KCNQ5: variants seen among roughly 807,000 people sequenced by gnomAD.
KCNQ5 encodes potassium voltage-gated channel subfamily KQT member 5.
KCNQ5 carries 30 observed loss-of-function variants against 98.2 expected under a neutral mutation model. That is an observed-to-expected ratio of 0.31 (90% CI 0.23 to 0.41). The LOEUF (loss-of-function observed/expected upper bound fraction) is 0.41, where lower values mean the gene tolerates loss of function less well. Ranked by LOEUF, KCNQ5 falls within the 10% of genes least tolerant of loss-of-function variation. The pLI, the probability that KCNQ5 is intolerant of heterozygous loss-of-function variation, is 1.00. For missense variants in KCNQ5, 835 were observed against 1,182.5 expected (o/e 0.71, Z 4.31); for synonymous variants, 458 against 449.4 (o/e 1.02, Z -0.24).
intron 1 of KCNQ5, among the ~76,000 whole-genome samples, chr6:72,649,225 A>G (rs748945689): frequency 1.7e-4 from 26 of 152,262 alleles, no homozygotes; most frequent in Non-Finnish European, 2.9e-4. Flanking sequence ...CTAAGGTTCT[A>G]AACAGTTTTG....
chr6:73,173,523 T>C (rs1778092298), intron 11 of KCNQ5, among the ~76,000 whole-genome samples: 1 of 152,228 alleles, frequency 6.6e-6, no homozygotes, highest in Non-Finnish European at 1.5e-5. Context: ...ATGTCAAGTA[T>C]CTGGCTAATT....
intron 1 of KCNQ5, among the ~76,000 whole-genome samples, chr6:72,734,444 C>A (rs988303257): frequency 5.3e-5 from 8 of 152,082 alleles, no homozygotes; most frequent in Non-Finnish European, 1.2e-4. Flanking sequence ...GCCTCAGCCT[C>A]CCGAGTAGCT....
chr6:73,077,359 T>C lies in KCNQ5; in HGVS notation c.654T>C (p.Ser218=). The change falls in exon 4 of 14, where the codon TCT becomes TCC. Residue 218 remains serine (S), a synonymous_variant. Coordinates refer to ENST00000370398, the MANE Select transcript of KCNQ5 (RefSeq NM_019842.4). ...IVLIASIAVV[S]AKTQGNIFAT... is the part of the protein sequence containing the mutation. Reference sequence around the variant, plus strand: ...TTATCGCTTCAATAGCAGTTGTTTCTGCAAAAACTCAGGGTAATATTTTTG... The same window carrying C: ...TTATCGCTTCAATAGCAGTTGTTTCCGCAAAAACTCAGGGTAATATTTTTG... The C allele has an allele frequency of 6.2e-7, 1 of 1,614,182 alleles. No homozygotes were observed. The highest frequency in any genetic ancestry group is 8.5e-7 in the Non-Finnish European group (1 of 1,180,012).
At chr6:72,806,942 A>C (rs1350983975) in intron 1 of KCNQ5, 2 of 344,248 alleles carry the variant, frequency 5.8e-6, no homozygotes, top group East Asian at 1.0e-4. Context: ...ATAAACATTC[A>C]GTTTTATAAG....
chr6:72,826,317 G>T (rs1775991314), intron 1 of KCNQ5, among the ~76,000 whole-genome samples: 1 of 152,092 alleles, frequency 6.6e-6, no homozygotes, highest in Admixed American at 6.6e-5. Context: ...TAATTATAAT[G>T]AGTTAAATTT....
intron 1 of KCNQ5, among the ~76,000 whole-genome samples, chr6:72,794,556 A>G (rs1248964303): frequency 6.6e-6 from 1 of 152,186 alleles, no homozygotes; most frequent in Non-Finnish European, 1.5e-5. Flanking sequence ...ATATCATGGC[A>G]TTTTTAAGCC....
At chr6:72,742,280 T>A (rs1204510225) in intron 1 of KCNQ5, among the ~76,000 whole-genome samples, 1 of 152,244 alleles carries the variant, frequency 6.6e-6, no homozygotes, top group African/African-American at 2.4e-5. Context: ...GATCGCCACA[T>A]AATTTGTATT....
intron 1 of KCNQ5, among the ~76,000 whole-genome samples, chr6:72,874,394 GATAA>G (rs1778325112): frequency 1.3e-5 from 2 of 152,026 alleles, no homozygotes; most frequent in African/African-American, 4.8e-5. Context: ...TAGAAATGGG[GATAA>G]ATAGAGTTTG....
chr6:73,109,482 T>A (rs1268769079), intron 6 of KCNQ5, among the ~76,000 whole-genome samples: 2 of 152,344 alleles, frequency 1.3e-5, no homozygotes, highest in East Asian at 3.9e-4. Context: ...TGGTATTTCA[T>A]ATTCTCTTAC....
intron 1 of KCNQ5, among the ~76,000 whole-genome samples, chr6:72,651,126 T>C (rs1765855953): frequency 6.6e-6 from 1 of 152,148 alleles, no homozygotes; most frequent in African/African-American, 2.4e-5. Flanking sequence ...TATTTGTTCA[T>C]ATATTTAACA....
chr6:73,195,318 C>G lies in KCNQ5; in HGVS notation c.2703C>G (p.Asp901Glu), dbSNP rs1339066484. Residue 901 changes from aspartate (D) to glutamate (E), a missense_variant, in exon 14 of 14, where the codon GAC becomes GAG. Asp to Glu is a conservative substitution (Grantham distance 45, BLOSUM62 2). Transcript: ENST00000370398. ...CCAGGGAAGCTGCCTTTGCATCAGA[C>G]TCTCTAAGGACTGGAAGGTCACGAT... The part of the protein sequence containing the change: ...QPAREAAFAS[D>E]SLRTGRSRSS... 2.5e-6 allele frequency: 4 copies of G among 1,614,074 alleles called. No individual in the cohort carries two copies. In the African/African-American group the frequency reaches 5.3e-5, roughly 22 times the overall value.
At chr6:73,057,279 G>A (rs890479092) in intron 3 of KCNQ5, among the ~76,000 whole-genome samples, 1 of 136,518 alleles carries the variant, frequency 7.3e-6, no homozygotes, top group African/African-American at 2.7e-5. Flanking sequence ...ATTGAACAAT[G>A]AGAACACTTG....
At chr6:72,630,483 A>C (rs1003453726) in intron 1 of KCNQ5, 4 of 152,228 alleles carry the variant, frequency 2.6e-5, no homozygotes, top group African/African-American at 9.6e-5. Flanking sequence ...GTAATGTGCT[A>C]GATGCTGGTG....
chr6:72,755,745 A>T (rs573762674), intron 1 of KCNQ5, among the ~76,000 whole-genome samples: 1 of 152,358 alleles, frequency 6.6e-6, no homozygotes, highest in East Asian at 1.9e-4. Context: ...GGTGATTAAA[A>T]ATAATTTTTA....
intron 10 of KCNQ5, among the ~76,000 whole-genome samples, chr6:73,139,237 C>T (rs1408866367): frequency 6.6e-6 from 1 of 152,166 alleles, no homozygotes; most frequent in Admixed American, 6.5e-5. Context: ...TCTTATTTTG[C>T]AGAATCCTCA....
chr6:73,150,891 A>G (rs777178151), intron 10 of KCNQ5, among the ~76,000 whole-genome samples: 3 of 151,862 alleles, frequency 2.0e-5, no homozygotes, highest in Non-Finnish European at 2.9e-5. Flanking sequence ...ATAGAAATGC[A>G]TATCATATTA....
intron 1 of KCNQ5, among the ~76,000 whole-genome samples, chr6:72,789,720 A>G (rs527972909): frequency 1.2e-4 from 19 of 152,356 alleles, no homozygotes; most frequent in African/African-American, 4.6e-4. Context: ...CAAAGAGATC[A>G]ATAGACTTGT....
intron 1 of KCNQ5, among the ~76,000 whole-genome samples, chr6:72,834,358 T>C (rs1318758391): frequency 6.6e-6 from 1 of 152,132 alleles, no homozygotes; most frequent in Non-Finnish European, 1.5e-5. Flanking sequence ...TCATTCCCAT[T>C]CCAGTAAGAG....
intron 1 of KCNQ5, among the ~76,000 whole-genome samples, chr6:72,635,320 G>A (rs1271451694): frequency 1.3e-5 from 2 of 152,108 alleles, no homozygotes; most frequent in East Asian, 1.9e-4. Context: ...ATGAGCTGCT[G>A]TGCTTGGCCC....
Sources: gnomAD v4.1 joint callset for allele counts (sites outside exome capture counted in the v4.1 genomes callset) on GRCh38, gnomAD v4.1.1 for gene constraint, MANE v1.5 for transcripts, NCBI Gene and HGNC (gene_info 2026-07-23, HGNC 2026-07-21) for gene names.